PCDHA2: variants seen among roughly 807,000 people sequenced by gnomAD.
The protein encoded by PCDHA2 is protocadherin alpha 2.
In PCDHA2, 58 loss-of-function variants were observed where a neutral mutation model predicts 66.0. The ratio of observed to expected loss-of-function variants is 0.88; its 90% CI spans 0.71 to 1.09. The LOEUF (loss-of-function observed/expected upper bound fraction) is 1.09. Among genes scored for constraint, PCDHA2 ranks in the 50% least tolerant of loss-of-function variants. The probability of loss-of-function intolerance (pLI) is 0.00; values close to 1 mark genes in which losing one functional copy is unlikely to be tolerated. For synonymous variants in PCDHA2, 634 were observed against 554.0 expected, an observed-to-expected ratio of 1.14 and a Z score of -2.03; for missense variants, 1,267 against 1,242.3, an observed-to-expected ratio of 1.02 and a Z score of -0.30.
intron 1 of PCDHA2, among the ~76,000 whole-genome samples, chr5:140,891,064 A>T (rs1442139760): frequency 6.6e-6 from 1 of 152,206 alleles, no homozygotes; most frequent in East Asian, 1.9e-4. Flanking sequence ...AGTAAATATT[A>T]TTCCAGTGTC....
chr5:140,866,363 C>T (rs550714417), intron 1 of PCDHA2: 20 of 152,216 alleles, frequency 1.3e-4, no homozygotes, highest in Non-Finnish European at 2.2e-4. Context: ...TACAATATTG[C>T]ATACTTCAAT....
In PCDHA2 at chr5:140,795,509, T is replaced by C. The variant is rs954251616; in HGVS notation, c.545T>C (p.Ile182Thr). 4 of 1,614,022 alleles carry C rather than the reference T, an allele frequency of 2.5e-6. No homozygotes were observed. Among genetic ancestry groups the C allele is most frequent in the Middle Eastern group, 1.6e-4 (1 of 6,084 alleles). The change falls in exon 1 of 4, where the codon ATA (isoleucine) becomes ACA (threonine). Residue 182 changes from isoleucine (I) to threonine (T), a missense_variant. Transcript: ENST00000526136. ...TCCAGTGAGTTTTTCTTCCTAGATA[T>C]ACAGGCAAATGATGAACTAAGCGAA... ...LSSSEFFFLDIQANDELSESL... is the reference protein window; with the variant it reads ...LSSSEFFFLDTQANDELSESL...
intron 1 of PCDHA2, among the ~76,000 whole-genome samples, chr5:140,872,146 T>C (rs1554166047): frequency 6.6e-6 from 1 of 152,134 alleles, no homozygotes; most frequent in African/African-American, 2.4e-5. Context: ...ACTCCATTAG[T>C]ATGACATGAT....
At position 141,007,395 on chromosome 5, in the gene PCDHA2, C is replaced by CA. The variant is rs35800918; in HGVS notation, c.2537-2209dup. 5.3e-3 allele frequency among the ~76,000 whole-genome samples: 498 copies of CA among 94,810 alleles called. 4 individuals carry two copies. The highest frequency in any genetic ancestry group is 0.049 in the East Asian group (166 of 3,398). 62.2% of individuals were successfully genotyped at this position (94,810 alleles called of 152,430 possible). On this transcript the variant is annotated intron_variant, in intron 3 of 3. Transcript: ENST00000526136. The stretch of plus-strand genomic sequence containing the variant: ...ATGGAACACCATCTCTACTAAAATA[C>CA]AAAAAAAAAAAAAAAAAAAAAAATT...
At chr5:140,872,005 G>A (rs961415529) in intron 1 of PCDHA2, among the ~76,000 whole-genome samples, 3 of 152,200 alleles carry the variant, frequency 2.0e-5, no homozygotes, top group Admixed American at 1.3e-4. Context: ...CTATTTACAG[G>A]TGACCTGTAG....
intron 1 of PCDHA2, chr5:140,869,322 C>G (rs1169893950): frequency 6.2e-7 from 1 of 1,613,820 alleles, no homozygotes; most frequent in Admixed American, 1.7e-5. Flanking sequence ...CACATGGGGA[C>G]CTTCTGGAGG....
chr5:140,798,671 C>A (rs1241915387), intron 1 of PCDHA2, among the ~76,000 whole-genome samples: 1 of 152,168 alleles, frequency 6.6e-6, no homozygotes, highest in African/African-American at 2.4e-5. Context: ...ATCCATATTC[C>A]TAATGAAATT....
rs782400108 is a variant in PCDHA2 at position 140,796,314 on chromosome 5, C to A, written c.1350C>A (p.Asp450Glu). 2.5e-6 allele frequency: 4 copies of A among 1,614,132 alleles called. No individual in the cohort carries two copies. The East Asian group carries it at 8.9e-5, about 36-fold the overall frequency. Residue 450 changes from aspartate to glutamate, a missense_variant, in exon 1 of 4, where the codon GAC (aspartate) becomes GAA (glutamate). Asp to Glu is a conservative substitution (Grantham distance 45). Transcript: ENST00000526136. Reference protein sequence around the residue: ...SVSIEVADVNDNAPAFAQPEY... With the variant: ...SVSIEVADVNENAPAFAQPEY... Reference sequence around the variant, plus strand: ...CCATCGAGGTGGCCGACGTGAACGACAACGCGCCGGCGTTCGCACAGCCTG... The same window carrying A: ...CCATCGAGGTGGCCGACGTGAACGAAAACGCGCCGGCGTTCGCACAGCCTG...
At chr5:140,875,560 C>T (rs1554167756) in intron 1 of PCDHA2, 2 of 1,614,124 alleles carry the variant, frequency 1.2e-6, no homozygotes, top group Admixed American at 3.3e-5. Flanking sequence ...GGGGAGCGGC[C>T]AGCTCCACTA....
chr5:140,978,545 T>C (rs1478928718), intron 1 of PCDHA2, among the ~76,000 whole-genome samples: 2 of 152,258 alleles, frequency 1.3e-5, no homozygotes, highest in Non-Finnish European at 2.9e-5. Context: ...TGTGTAGCCA[T>C]GTGCCCTGTT....
intron 1 of PCDHA2, chr5:140,852,445 T>G (rs1294912184): frequency 5.4e-6 from 1 of 184,644 alleles, no homozygotes; most frequent in Admixed American, 6.7e-5. Flanking sequence ...GCCCAGCTAA[T>G]TTTTGTATTT....
chr5:140,882,094 C>G, intron 1 of PCDHA2: 1 of 1,172,684 alleles, frequency 8.5e-7, no homozygotes. Flanking sequence ...TCACTGAGAA[C>G]GTTTCCGCGA....
At chr5:140,920,405 A>T (rs1253203896) in intron 1 of PCDHA2, among the ~76,000 whole-genome samples, 1 of 152,118 alleles carries the variant, frequency 6.6e-6, no homozygotes, top group Non-Finnish European at 1.5e-5. Context: ...TCTTTTTTTA[A>T]TCAGATACAG....
chr5:140,943,493 T>C (rs2093505211), intron 1 of PCDHA2, among the ~76,000 whole-genome samples: 1 of 152,118 alleles, frequency 6.6e-6, no homozygotes, highest in Non-Finnish European at 1.5e-5. Context: ...AAATAGATGC[T>C]ATCAAGGTTC....
At position 141,004,143 on chromosome 5, in the gene PCDHA2, C is replaced by T. The variant is rs1023273119; in HGVS notation, c.2537-5484C>T. 2.6e-5 allele frequency among the ~76,000 whole-genome samples: 4 copies of T among 152,252 alleles called. No homozygotes were observed. In the East Asian group the frequency reaches 7.7e-4, roughly 29 times the overall value. ...TATCTCCATGATTCTGCCCCAAAGG[C>T]ATGACATTTTATAGGCAAAGCCAGC... On this transcript the variant is annotated intron_variant, in intron 3 of 3. Transcript: ENST00000526136.
intron 1 of PCDHA2, chr5:140,851,534 A>G: frequency 1.1e-6 from 1 of 902,820 alleles, no homozygotes; most frequent in Non-Finnish European, 1.4e-6. Flanking sequence ...CTGACAATGT[A>G]GATAATTCAA....
rs908218007 is a variant in PCDHA2 at position 140,929,518 on chromosome 5, T to C, written c.2389-49431T>C. On this transcript the variant is annotated intron_variant, in intron 1 of 3. Transcript: ENST00000526136. ...ATTGCCCTAGGCCTCAAGGGACTTA[T>C]AGTTTATTTTTGAGAAACAAGGGCA... 7 of 753,028 alleles carry C rather than the reference T, an allele frequency of 9.3e-6. No homozygotes were observed. The Admixed American group carries it at 1.2e-4, about 13-fold the overall frequency. The allele number at this position is 753,028 out of a possible 1,614,324, so 46.6% of individuals were successfully genotyped here. A position where few individuals can be genotyped will look rare whatever the true frequency, so the allele number is the denominator to read the frequency against.
chr5:140,940,468 C>A (rs2092618066), intron 1 of PCDHA2, among the ~76,000 whole-genome samples: 1 of 151,866 alleles, frequency 6.6e-6, no homozygotes, highest in African/African-American at 2.4e-5. Flanking sequence ...CTGTTCCCTG[C>A]AATTTTTTTT....
rs2150425327 is a variant in PCDHA2 at position 140,848,932 on chromosome 5, G to T, written c.2388+51580G>T. The T allele has an allele frequency of 3.7e-6, 6 of 1,607,494 alleles. No individual in the cohort carries two copies. In the African/African-American group the frequency reaches 8.1e-5, roughly 22 times the overall value. ...AAGAATCTGTTCATCGCGGAATCCA[G>T]GCCGCTTGACTCTCGGTTTCCACTA... On this transcript the variant is annotated intron_variant, in intron 1 of 3. Transcript: ENST00000526136.
Sources: gnomAD v4.1 joint callset for allele counts (sites outside exome capture counted in the v4.1 genomes callset) on GRCh38, gnomAD v4.1.1 for gene constraint, MANE v1.5 for transcripts, NCBI Gene and HGNC (gene_info 2026-07-23, HGNC 2026-07-21) for gene names.